Variants in RANGAP1 observed in about 807,000 individuals in gnomAD.
RANGAP1 encodes the protein Ran GTPase activating protein 1.
RANGAP1 carries 38 observed loss-of-function variants against 63.5 expected under a neutral mutation model. The observed-to-expected ratio is 0.60, with a 90% confidence interval of 0.46 to 0.78. The LOEUF is 0.78. RANGAP1 is among the 30% of genes least tolerant of loss of function. RANGAP1 has a pLI of 0.00. For missense variants in RANGAP1, 630 were observed against 740.3 expected, an observed-to-expected ratio of 0.85 and a Z score of 1.73; for synonymous variants, 329 against 310.5, an observed-to-expected ratio of 1.06 and a Z score of -0.63.
chr22:41,290,135 C>A (rs1160118620), upstream of RANGAP1, among the ~76,000 whole-genome samples: 3 of 146,468 alleles, frequency 2.0e-5, no homozygotes, highest in Non-Finnish European at 4.5e-5. Context: ...TAGAACAAGA[C>A]CCTGTCTCAA....
chr22:41,290,156 AAAAGAGAG>A (rs989647056), upstream of RANGAP1, among the ~76,000 whole-genome samples: 3 of 150,460 alleles, frequency 2.0e-5, no homozygotes, highest in Non-Finnish European at 4.4e-5. Flanking sequence ...AGAAAAAAAA[AAAAGAGAG>A]AGAGAGAGAG....
intron 6 of RANGAP1, among the ~76,000 whole-genome samples, chr22:41,260,710 G>A (rs995198825): frequency 2.0e-5 from 3 of 152,198 alleles, no homozygotes; most frequent in Non-Finnish European, 4.4e-5. Context: ...AGCCGGGTGT[G>A]GTGGCGGGTG....
intron 3 of RANGAP1, among the ~76,000 whole-genome samples, chr22:41,270,473 G>T (rs969013162): frequency 6.6e-6 from 1 of 152,152 alleles, no homozygotes; most frequent in East Asian, 1.9e-4. Flanking sequence ...TTTGAGACAG[G>T]GTCTCACTCT....
chr22:41,272,874 G>A (rs2034921503), intron 3 of RANGAP1, among the ~76,000 whole-genome samples: 1 of 151,824 alleles, frequency 6.6e-6, no homozygotes, highest in African/African-American at 2.4e-5. Flanking sequence ...GTGTAGTGGT[G>A]CAATCTTGGC....
At chr22:41,250,006 G>A (rs1056454601) in intron 13 of RANGAP1, among the ~76,000 whole-genome samples, 189 bp from the exon 14 acceptor site, 10 of 152,230 alleles carry the variant, frequency 6.6e-5, no homozygotes, top group Non-Finnish European at 4.4e-5. Context: ...CAGGGGATGG[G>A]CTCAGTCCAT....
At chr22:41,287,316 A>G (rs2075271184), upstream of RANGAP1, among the ~76,000 whole-genome samples, 1 of 152,198 alleles carries the variant, frequency 6.6e-6, no homozygotes, top group Non-Finnish European at 1.5e-5. Flanking sequence ...GAGTTCTTTG[A>G]ACATTTTTGC....
the RANGAP1 span, among the ~76,000 whole-genome samples, chr22:41,293,037 C>T: frequency 6.6e-6 from 1 of 151,854 alleles, no homozygotes; most frequent in Admixed American, 6.6e-5. Context: ...AGATTGAGAC[C>T]ATCCTGGCTA....
At chr22:41,289,761 C>T (rs1208546322), upstream of RANGAP1, among the ~76,000 whole-genome samples, 1 of 152,168 alleles carries the variant, frequency 6.6e-6, no homozygotes, top group Non-Finnish European at 1.5e-5. Context: ...TAATCATGGC[C>T]TTTGACAGAT....
At chr22:41,284,675 C>T (rs1307706996) in intron 1 of RANGAP1, among the ~76,000 whole-genome samples, 2 of 152,106 alleles carry the variant, frequency 1.3e-5, no homozygotes, top group Non-Finnish European at 2.9e-5. Flanking sequence ...AGTTAGAAAC[C>T]AGCCTGGGCA....
chr22:41,277,711 T>A (rs2035240734), intron 2 of RANGAP1, among the ~76,000 whole-genome samples: 1 of 152,124 alleles, frequency 6.6e-6, no homozygotes, highest in Non-Finnish European at 1.5e-5. Context: ...TACCTTCACT[T>A]CCAGATGCCA....
intron 3 of RANGAP1, among the ~76,000 whole-genome samples, chr22:41,273,766 C>CAAAAAAAAAAAAAAAAAAAAAAA (rs71200678): frequency 4.1e-5 from 1 of 24,356 alleles, no homozygotes; most frequent in Non-Finnish European, 7.1e-5. Flanking sequence ...GACTCCATCT[C>CAAAAAAAAAAAAAAAAAAAAAAA]AAAAAAAAAA....
chr22:41,274,809 C>T lies in RANGAP1; in HGVS notation c.113-82G>A. 2.6e-6 allele frequency: 4 copies of T among 1,560,144 alleles called. No individual in the cohort carries two copies. The South Asian group carries it at 4.6e-5, about 18-fold the overall frequency. ...AGGAGAGAGGTTGGCAACCACCTTG[C>T]CACTCAACAGTCTATGGTGCACCTA... On this transcript the variant is annotated intron_variant, in intron 2 of 15. Coordinates refer to ENST00000356244, the MANE Select transcript of RANGAP1 (RefSeq NM_002883.4).
chr22:41,261,380 A>G (rs1601632003), intron 6 of RANGAP1, 66 bp downstream of exon 6: 1 of 1,601,118 alleles, frequency 6.2e-7, no homozygotes, highest in East Asian at 2.2e-5. Flanking sequence ...AGCATCCAGA[A>G]CTGTCAGCCT....
At chr22:41,251,915 T>C (rs1429019615) in intron 12 of RANGAP1, among the ~76,000 whole-genome samples, 2 of 152,212 alleles carry the variant, frequency 1.3e-5, no homozygotes, top group South Asian at 2.1e-4. Context: ...TGATTTATCA[T>C]GTTAAAAGAA....
At chr22:41,269,087 GT>G (rs921787905) in intron 3 of RANGAP1, among the ~76,000 whole-genome samples, 1 of 151,652 alleles carries the variant, frequency 6.6e-6, no homozygotes, top group African/African-American at 2.4e-5. Context: ...TGTTTTCTTC[GT>G]TTTTTTTAAG....
At chr22:41,249,677 G>C (rs1173309644) in intron 14 of RANGAP1, 52 bp downstream of exon 14, 4 of 1,573,612 alleles carry the variant, frequency 2.5e-6, no homozygotes, top group Non-Finnish European at 3.5e-6. Flanking sequence ...GGCAGCTTCT[G>C]TGCAGACCCC....
In RANGAP1 at chr22:41,265,887, C is replaced by T. The variant is rs114454828; in HGVS notation, c.301-1044G>A. On this transcript the variant is annotated intron_variant, in intron 4 of 15. Coordinates refer to ENST00000356244, the MANE Select transcript of RANGAP1 (RefSeq NM_002883.4). ...GTAAGCAAAAGGCAATGTGTCCTCT[C>T]GTTGCCCTACCCACAGAAAGCCTAG... Among the ~76,000 whole-genome samples the T allele has an allele frequency of 7.6e-3, 1,150 of 152,290 alleles. 18 individuals are homozygous for T. Among genetic ancestry groups the T allele is most frequent in the African/African-American group, 0.026 (1,075 of 41,560 alleles).
chr22:41,253,666 C>A (rs1470212628), intron 11 of RANGAP1, among the ~76,000 whole-genome samples: 1 of 152,078 alleles, frequency 6.6e-6, no homozygotes, highest in Non-Finnish European at 1.5e-5. Context: ...AGACAATCCT[C>A]TGGTGGGTGG....
chr22:41,251,576 TGA>T (rs1180494248), intron 12 of RANGAP1, among the ~76,000 whole-genome samples: 7 of 149,250 alleles, frequency 4.7e-5, no homozygotes, highest in African/African-American at 1.7e-4. Context: ...CACTGAGCCA[TGA>T]TTGCACCACT....
Sources: allele counts gnomAD v4.1 joint callset (sites outside exome capture counted in the v4.1 genomes callset), GRCh38; gene constraint gnomAD v4.1.1; transcripts MANE v1.5; gene names NCBI Gene and HGNC (gene_info 2026-07-23, HGNC 2026-07-21).